PDZD2: variants seen among roughly 807,000 people sequenced by gnomAD.
PDZD2 encodes PDZ domain containing 2.
In PDZD2, 90 loss-of-function variants were observed where a neutral mutation model predicts 220.7. The observed-to-expected ratio is 0.41, with a 90% CI of 0.34 to 0.49. The LOEUF is 0.49. PDZD2 is among the 20% of genes least tolerant of loss of function. PDZD2 has a pLI of 0.28. For missense variants in PDZD2, 3,174 were observed against 3,608.5 expected, an observed-to-expected ratio of 0.88 and a Z score of 3.08; for synonymous variants, 1,375 against 1,450.5, an observed-to-expected ratio of 0.95 and a Z score of 1.18.
chr5:31,773,971 A>G (rs995279259), intron 1 of PDZD2, among the ~76,000 whole-genome samples: 1 of 152,176 alleles, frequency 6.6e-6, no homozygotes, highest in Admixed American at 6.5e-5. Context: ...CGATGTCGAC[A>G]CCTAGAGGAA....
intron 24 of PDZD2, among the ~76,000 whole-genome samples, chr5:32,101,916 T>G (rs1268285070): frequency 6.6e-6 from 1 of 152,228 alleles, no homozygotes; most frequent in Non-Finnish European, 1.5e-5. Flanking sequence ...TAATTATACT[T>G]GCAAATAGAT....
intron 2 of PDZD2, among the ~76,000 whole-genome samples, chr5:31,911,334 T>C (rs1743184933): frequency 6.6e-6 from 1 of 152,180 alleles, no homozygotes; most frequent in Admixed American, 6.5e-5. Flanking sequence ...TCAGATAATA[T>C]GAGAAACTTG....
chr5:31,685,373 T>C (rs1261880786), intron 1 of PDZD2, among the ~76,000 whole-genome samples: 1 of 152,220 alleles, frequency 6.6e-6, no homozygotes, highest in African/African-American at 2.4e-5. Flanking sequence ...AACAGGTTTT[T>C]TAAAAGAACT....
intron 2 of PDZD2, among the ~76,000 whole-genome samples, chr5:31,918,137 T>C (rs1743850528): frequency 6.6e-6 from 1 of 152,098 alleles, no homozygotes; most frequent in South Asian, 2.1e-4. Context: ...CCAGATTTCA[T>C]GAGAACTCAC....
chr5:31,772,340 G>A (rs1752384991), intron 1 of PDZD2, among the ~76,000 whole-genome samples: 1 of 152,130 alleles, frequency 6.6e-6, no homozygotes, highest in Non-Finnish European at 1.5e-5. Flanking sequence ...CTTTAAAATA[G>A]CCAATAGGAA....
intron 2 of PDZD2, among the ~76,000 whole-genome samples, chr5:31,807,069 G>A (rs1754774824): frequency 6.6e-6 from 1 of 151,716 alleles, no homozygotes; most frequent in African/African-American, 2.4e-5. Context: ...TGAGTAGCTG[G>A]GATTACAAGT....
chr5:31,711,192 C>G (rs1748086605), intron 1 of PDZD2, among the ~76,000 whole-genome samples: 1 of 152,200 alleles, frequency 6.6e-6, no homozygotes, highest in East Asian at 1.9e-4. Context: ...CTGGACTGCC[C>G]TTTTTCCTAA....
chr5:31,977,927 TCA>T (rs1222705877), intron 2 of PDZD2, among the ~76,000 whole-genome samples: 3 of 152,146 alleles, frequency 2.0e-5, no homozygotes, highest in Non-Finnish European at 4.4e-5. Flanking sequence ...TGAGCTGAAA[TCA>T]CACCACTGCA....
chr5:32,058,388 G>A (rs959941582), intron 12 of PDZD2, among the ~76,000 whole-genome samples: 2 of 151,222 alleles, frequency 1.3e-5, no homozygotes, highest in Non-Finnish European at 2.9e-5. Context: ...AAAATCACTG[G>A]CCAGGCACAG....
chr5:32,080,203 C>T (rs1007055383), intron 19 of PDZD2, among the ~76,000 whole-genome samples: 37 of 151,870 alleles, frequency 2.4e-4, no homozygotes, highest in African/African-American at 9.0e-4. Flanking sequence ...AAAAAATTAG[C>T]CAGACGTGGT....
rs184953728 is a variant in PDZD2 at position 31,776,797 on chromosome 5, C to T, written c.-360-22092C>T. Among the ~76,000 whole-genome samples the T allele has an allele frequency of 8.2e-5, 12 of 146,618 alleles. No individual in the cohort carries two copies. In the South Asian group the frequency reaches 1.1e-3, roughly 13 times the overall value. ...CCGAGTAGCTGGGACTGCAGATGCA[C>T]GCCACCCTACCCTGCTTGGTTAATT... On this transcript the variant is annotated intron_variant, in intron 1 of 24. Coordinates refer to ENST00000438447, the MANE Select transcript of PDZD2 (RefSeq NM_178140.4).
At chr5:31,933,147 G>A (rs990576752) in intron 2 of PDZD2, among the ~76,000 whole-genome samples, 1 of 152,118 alleles carries the variant, frequency 6.6e-6, no homozygotes, top group Non-Finnish European at 1.5e-5. Flanking sequence ...CTGACCTCAA[G>A]TGATCCACCC....
chr5:31,777,178 C>T (rs894939307), intron 1 of PDZD2, among the ~76,000 whole-genome samples: 31 of 152,250 alleles, frequency 2.0e-4, no homozygotes, highest in African/African-American at 6.7e-4. Context: ...GGCACGGGCT[C>T]GGCAGGCCCG....
chr5:31,662,975 G>A (rs1028194131), intron 1 of PDZD2, among the ~76,000 whole-genome samples: 7 of 152,178 alleles, frequency 4.6e-5, no homozygotes, highest in African/African-American at 1.7e-4. Context: ...TAGGATTTCA[G>A]CATATGAATT....
At chr5:32,042,460 C>T (rs1022696522) in intron 7 of PDZD2, among the ~76,000 whole-genome samples, 1 of 151,746 alleles carries the variant, frequency 6.6e-6, no homozygotes, top group Non-Finnish European at 1.5e-5. Context: ...ATAATCCCAG[C>T]TACTCGGGAA....
intron 5 of PDZD2, 110 bp from the exon 6 acceptor site, chr5:32,010,220 A>G (rs1332843362): frequency 1.4e-6 from 1 of 715,460 alleles, no homozygotes; most frequent in Non-Finnish European, 2.4e-6. Context: ...CATTTACTCC[A>G]TGTAGTCTTT....
chr5:31,980,134 C>A (rs901624838), intron 2 of PDZD2, among the ~76,000 whole-genome samples: 1 of 152,098 alleles, frequency 6.6e-6, no homozygotes, highest in African/African-American at 2.4e-5. Flanking sequence ...GTTGGGCAAC[C>A]GTCACCACTA....
At chr5:31,876,395 C>T (rs779214514) in intron 2 of PDZD2, among the ~76,000 whole-genome samples, 10 of 151,414 alleles carry the variant, frequency 6.6e-5, no homozygotes, top group African/African-American at 1.5e-4. Flanking sequence ...TGGGTTCAAG[C>T]GACTCTCCTG....
At chr5:31,841,702 G>A (rs1757314573) in intron 2 of PDZD2, among the ~76,000 whole-genome samples, 1 of 151,492 alleles carries the variant, frequency 6.6e-6, no homozygotes, top group South Asian at 2.1e-4. Context: ...GCTAGGTGCG[G>A]TGGCTCACAC....
Sources: gnomAD v4.1 joint callset for allele counts (sites outside exome capture counted in the v4.1 genomes callset) on GRCh38, gnomAD v4.1.1 for gene constraint, MANE v1.5 for transcripts, NCBI Gene and HGNC (gene_info 2026-07-23, HGNC 2026-07-21) for gene names.